SLC39A11: variants seen among roughly 807,000 people sequenced by gnomAD.
SLC39A11 encodes solute carrier family 39 member 11, also known as zinc transporter ZIP11.
A neutral mutation model predicts 36.1 loss-of-function variants in SLC39A11; 33 were observed. That is an observed-to-expected ratio of 0.91 (90% CI 0.69 to 1.22). The LOEUF is 1.22. SLC39A11 is among the 50% of genes most tolerant of loss of function. The pLI, the probability that SLC39A11 is intolerant of heterozygous loss-of-function variation, is 0.00. For missense variants in SLC39A11, 432 were observed against 430.3 expected, an observed-to-expected ratio of 1.00 and a Z score of -0.03; for synonymous variants, 166 against 170.3, an observed-to-expected ratio of 0.97 and a Z score of 0.20.
chr17:72,762,907 C>CTTCT (rs2075638561), intron 6 of SLC39A11, among the ~76,000 whole-genome samples: 1 of 152,200 alleles, frequency 6.6e-6, no homozygotes, highest in Admixed American at 6.5e-5. Flanking sequence ...TGCTGTGACT[C>CTTCT]TTCTTTTGAG....
intron 7 of SLC39A11, among the ~76,000 whole-genome samples, chr17:72,722,205 C>T (rs1248396965): frequency 6.6e-6 from 1 of 152,156 alleles, no homozygotes; most frequent in East Asian, 1.9e-4. Context: ...AGGGCTGTGA[C>T]TTCCTTCTCT....
intron 4 of SLC39A11, among the ~76,000 whole-genome samples, chr17:72,969,128 T>C (rs2087236565): frequency 6.6e-6 from 1 of 152,078 alleles, no homozygotes; most frequent in Admixed American, 6.5e-5. Context: ...AGGGAACATA[T>C]TGCAGGAAGG....
At chr17:72,732,125 T>C (rs2074256440) in intron 7 of SLC39A11, among the ~76,000 whole-genome samples, 1 of 135,622 alleles carries the variant, frequency 7.4e-6, no homozygotes, top group South Asian at 2.6e-4. Context: ...CTCAGCTCAC[T>C]GTAACCTCAG....
At chr17:73,013,002 T>A (rs560158110) in intron 4 of SLC39A11, among the ~76,000 whole-genome samples, 2 of 152,294 alleles carry the variant, frequency 1.3e-5, no homozygotes, top group East Asian at 3.9e-4. Context: ...TTTTACCATG[T>A]TGGCCAGGCT....
At chr17:72,783,025 A>AAAAAG (rs1441925874) in intron 6 of SLC39A11, among the ~76,000 whole-genome samples, 8 of 145,796 alleles carry the variant, frequency 5.5e-5, no homozygotes, top group African/African-American at 1.7e-4. Context: ...AAAAAAAAGA[A>AAAAAG]AAAAGAAAAG....
Position 72,647,372 on chromosome 17 carries a change from C to T in SLC39A11, c.*212G>A. On this transcript the variant is annotated 3_prime_UTR_variant, in exon 10 of 10. Coordinates refer to ENST00000255559, the MANE Select transcript of SLC39A11 (RefSeq NM_139177.4). The stretch of plus-strand genomic sequence containing the variant: ...GGCCAAAACAAAGAATCTGTATTTC[C>T]ATGACACCTTAAAATTCCCCATTAA... The T allele has an allele frequency of 2.4e-6, 1 of 425,104 alleles. No homozygotes were observed. Among genetic ancestry groups the T allele is most frequent in the Non-Finnish European group, 4.2e-6 (1 of 236,738 alleles). The allele number at this position is 425,104 out of a possible 1,614,324, so 26.3% of individuals were successfully genotyped here.
rs765931795 is a variant in SLC39A11, at chr17:72,890,105, CA to C, written c.431-40302del. 2.2e-4 allele frequency among the ~76,000 whole-genome samples: 32 copies of C among 147,276 alleles called. No individual in the cohort carries two copies. The East Asian group carries it at 3.0e-3, about 14-fold the overall frequency. On this transcript the variant is annotated intron_variant, in intron 5 of 9. Coordinates refer to ENST00000255559, the MANE Select transcript of SLC39A11 (RefSeq NM_139177.4). ...TGAAACCTGGTCTCCACTAAAAATA[CA>C]AAAAAAAAATTAGCTGGGCATGGTG...
chr17:72,923,966 G>A (rs564882377), intron 5 of SLC39A11, among the ~76,000 whole-genome samples: 21 of 151,816 alleles, frequency 1.4e-4, no homozygotes, highest in African/African-American at 3.1e-4. Context: ...ACAATATGGC[G>A]AAGACTTGTC....
At chr17:73,005,640 T>C (rs9895073) in intron 4 of SLC39A11, among the ~76,000 whole-genome samples, 12,280 of 152,144 alleles carry the variant, frequency 0.081, 798 homozygotes, top group African/African-American at 0.18. Context: ...AACACGTGAG[T>C]CTGTGATCAC....
At chr17:72,802,484 G>A (rs922818155) in intron 6 of SLC39A11, among the ~76,000 whole-genome samples, 7 of 151,838 alleles carry the variant, frequency 4.6e-5, no homozygotes, top group African/African-American at 1.2e-4. Context: ...CAGCTACTTG[G>A]GAGGCTGAGG....
chr17:73,019,167 C>A (rs2058263431), intron 4 of SLC39A11, among the ~76,000 whole-genome samples: 1 of 152,066 alleles, frequency 6.6e-6, no homozygotes, highest in South Asian at 2.1e-4. Context: ...CAGGCCTAAG[C>A]TATAATGAAT....
intron 3 of SLC39A11, among the ~76,000 whole-genome samples, chr17:73,039,548 G>T (rs970919691): frequency 2.0e-5 from 3 of 152,100 alleles, no homozygotes; most frequent in Admixed American, 6.6e-5. Flanking sequence ...ATCAGGAAGT[G>T]ATTCAACACC....
At chr17:72,724,235 G>C (rs1052315020) in intron 7 of SLC39A11, among the ~76,000 whole-genome samples, 2 of 152,114 alleles carry the variant, frequency 1.3e-5, no homozygotes, top group Non-Finnish European at 2.9e-5. Context: ...GTTTGGACAA[G>C]GACTCTGGAG....
intron 3 of SLC39A11, among the ~76,000 whole-genome samples, chr17:73,054,807 CA>C (rs5821939): frequency 8.2e-4 from 93 of 113,194 alleles, no homozygotes; most frequent in Middle Eastern, 9.5e-3. Context: ...GATTCCGTCT[CA>C]AAAAAAAAAA....
chr17:72,714,478 GAAGGAAGCAGGT>G (rs1015843554), intron 7 of SLC39A11, among the ~76,000 whole-genome samples: 3 of 152,166 alleles, frequency 2.0e-5, no homozygotes, highest in Non-Finnish European at 4.4e-5. Context: ...GCCAAAAAAG[GAAGGAAGCAGGT>G]AAGAAGCGCA....
At chr17:72,979,522 A>T (rs1477817638) in intron 4 of SLC39A11, among the ~76,000 whole-genome samples, 1 of 152,196 alleles carries the variant, frequency 6.6e-6, no homozygotes, top group Non-Finnish European at 1.5e-5. Flanking sequence ...AGACATTCCC[A>T]AACATTACTG....
intron 6 of SLC39A11, among the ~76,000 whole-genome samples, chr17:72,761,615 T>A (rs1352144027): frequency 3.3e-5 from 5 of 152,206 alleles, no homozygotes; most frequent in Non-Finnish European, 5.9e-5. Context: ...ATTTGAAAGA[T>A]AAGAAAGCTT....
chr17:72,801,723 A>G (rs1390471404), intron 6 of SLC39A11, among the ~76,000 whole-genome samples: 1 of 152,208 alleles, frequency 6.6e-6, no homozygotes, highest in Non-Finnish European at 1.5e-5. Context: ...ATGTATATCT[A>G]TGAGTAACAA....
intron 8 of SLC39A11, 41 bp from the exon 9 acceptor site, chr17:72,649,002 C>T (rs1211613259): frequency 6.3e-7 from 1 of 1,589,532 alleles, no homozygotes; most frequent in Non-Finnish European, 8.6e-7. Flanking sequence ...CAGGGGGAGG[C>T]AAGCAGACAC....
Sources: gnomAD v4.1 joint callset for allele counts (sites outside exome capture counted in the v4.1 genomes callset) on GRCh38, gnomAD v4.1.1 for gene constraint, MANE v1.5 for transcripts, NCBI Gene and HGNC (gene_info 2026-07-23, HGNC 2026-07-21) for gene names.